Variants in SUPT3H observed in about 807,000 individuals in gnomAD.
The protein encoded by SUPT3H is transcription initiation protein SPT3 homolog.
In SUPT3H, 44 loss-of-function variants were observed where a neutral mutation model predicts 44.3. The observed-to-expected ratio is 0.99, with a 90% CI of 0.78 to 1.28. The LOEUF (loss-of-function observed/expected upper bound fraction) is 1.28. Ranked by LOEUF, SUPT3H falls within the 50% of genes most tolerant of loss-of-function variation. The probability of loss-of-function intolerance (pLI) is 0.00; values close to 1 mark genes in which losing one functional copy is unlikely to be tolerated. For synonymous variants in SUPT3H, 124 were observed against 125.6 expected (o/e 0.99, Z 0.09); for missense variants, 380 against 387.1 (o/e 0.98, Z 0.15).
At chr6:45,137,567 T>C (rs1804509747) in intron 2 of SUPT3H, among the ~76,000 whole-genome samples, 1 of 151,938 alleles carries the variant, frequency 6.6e-6, no homozygotes, top group Non-Finnish European at 1.5e-5. Context: ...TATTTCAATA[T>C]TTTACCACAA....
intron 2 of SUPT3H, among the ~76,000 whole-genome samples, chr6:45,118,611 A>G (rs1415139019): frequency 6.6e-6 from 1 of 152,108 alleles, no homozygotes; most frequent in Non-Finnish European, 1.5e-5. Context: ...ACTTTTGTAC[A>G]TGATATTTTC....
At chr6:45,259,121 T>C (rs1773907888) in intron 2 of SUPT3H, among the ~76,000 whole-genome samples, 1 of 152,144 alleles carries the variant, frequency 6.6e-6, no homozygotes, top group Non-Finnish European at 1.5e-5. Flanking sequence ...GCTCCAAAAA[T>C]GATGCAGTAC....
chr6:45,187,878 T>G (rs1814507691), intron 2 of SUPT3H, among the ~76,000 whole-genome samples: 1 of 152,228 alleles, frequency 6.6e-6, no homozygotes, highest in South Asian at 2.1e-4. Flanking sequence ...CACCATAGTT[T>G]CACTTTCTGA....
intron 5 of SUPT3H, among the ~76,000 whole-genome samples, chr6:45,010,147 G>A (rs1260913013): frequency 1.3e-5 from 2 of 152,018 alleles, no homozygotes; most frequent in African/African-American, 4.8e-5. Flanking sequence ...GTGCATAGCT[G>A]ATATATTAAA....
intron 10 of SUPT3H, among the ~76,000 whole-genome samples, chr6:44,865,328 C>T (rs370714077): frequency 6.6e-6 from 1 of 152,212 alleles, no homozygotes; most frequent in African/African-American, 2.4e-5. Context: ...CAACTTCTGT[C>T]TGTTATTCAG....
intron 2 of SUPT3H, among the ~76,000 whole-genome samples, chr6:45,144,435 A>G (rs1484847165): frequency 1.3e-5 from 2 of 152,150 alleles, no homozygotes; most frequent in African/African-American, 4.8e-5. Context: ...TGCAGTAAAC[A>G]CATTTGACAA....
At chr6:45,376,882 T>C (rs1441907119) in intron 1 of SUPT3H, among the ~76,000 whole-genome samples, 2 of 152,184 alleles carry the variant, frequency 1.3e-5, no homozygotes, top group Admixed American at 6.5e-5. Flanking sequence ...CATATACTTA[T>C]ATACACACAT....
chr6:45,201,159 C>G (rs895784126), intron 2 of SUPT3H, among the ~76,000 whole-genome samples: 1 of 151,498 alleles, frequency 6.6e-6, no homozygotes, highest in Non-Finnish European at 1.5e-5. Context: ...GTGAATGATA[C>G]GGGTAACATA....
At chr6:45,287,765 A>G (rs1779559287) in intron 2 of SUPT3H, among the ~76,000 whole-genome samples, 1 of 152,236 alleles carries the variant, frequency 6.6e-6, no homozygotes, top group African/African-American at 2.4e-5. Flanking sequence ...GGTAAATTTA[A>G]TGTATCACTA....
chr6:45,079,540 C>T (rs1312539960), intron 3 of SUPT3H, among the ~76,000 whole-genome samples: 1 of 151,960 alleles, frequency 6.6e-6, no homozygotes, highest in Non-Finnish European at 1.5e-5. Flanking sequence ...TGTTACCTCA[C>T]TTCAAATAAT....
chr6:45,325,755 C>T (rs1241410866), intron 2 of SUPT3H, among the ~76,000 whole-genome samples: 1 of 151,850 alleles, frequency 6.6e-6, no homozygotes, highest in Admixed American at 6.6e-5. Flanking sequence ...AGTATCTCTT[C>T]ACCACGTGTA....
chr6:45,307,311 G>C (rs1241353869), intron 2 of SUPT3H, among the ~76,000 whole-genome samples: 4 of 152,232 alleles, frequency 2.6e-5, no homozygotes, highest in Non-Finnish European at 5.9e-5. Flanking sequence ...AGAACAGACA[G>C]ACTGCCTCCT....
intron 10 of SUPT3H, among the ~76,000 whole-genome samples, chr6:44,868,441 C>T (rs1775846732): frequency 6.6e-6 from 1 of 152,198 alleles, no homozygotes; most frequent in African/African-American, 2.4e-5. Flanking sequence ...GATGATGTCA[C>T]CATCTACCTG....
chr6:44,907,316 T>C (rs1446062707), intron 10 of SUPT3H, among the ~76,000 whole-genome samples: 1 of 152,176 alleles, frequency 6.6e-6, no homozygotes, highest in Non-Finnish European at 1.5e-5. Context: ...TTCACGATAT[T>C]TGACTGTATT....
At chr6:44,878,558 T>C (rs1777675851) in intron 10 of SUPT3H, among the ~76,000 whole-genome samples, 1 of 152,026 alleles carries the variant, frequency 6.6e-6, no homozygotes, top group Non-Finnish European at 1.5e-5. Context: ...ATTGGTTAGG[T>C]TGTGGAGAAA....
intron 2 of SUPT3H, among the ~76,000 whole-genome samples, chr6:45,260,317 T>C (rs1029090625): frequency 3.9e-5 from 6 of 152,126 alleles, no homozygotes; most frequent in African/African-American, 1.2e-4. Context: ...CTGCCCATTT[T>C]TGGTAGGTAT....
At chr6:44,858,162 A>G (rs1774051823) in intron 10 of SUPT3H, among the ~76,000 whole-genome samples, 1 of 152,162 alleles carries the variant, frequency 6.6e-6, no homozygotes, top group Non-Finnish European at 1.5e-5. Flanking sequence ...ACACTACATT[A>G]TAATTGAACC....
chr6:45,033,777 T>C (rs1010056352), intron 3 of SUPT3H, among the ~76,000 whole-genome samples: 6 of 152,134 alleles, frequency 3.9e-5, no homozygotes, highest in African/African-American at 1.4e-4. Flanking sequence ...ATCTAAAATA[T>C]CTAAAGAAAA....
intron 2 of SUPT3H, among the ~76,000 whole-genome samples, chr6:45,192,220 A>T (rs1306595519): frequency 2.0e-5 from 3 of 152,144 alleles, no homozygotes; most frequent in African/African-American, 7.2e-5. Flanking sequence ...TGATGAAAGG[A>T]GAAGTCAAGT....
Sources: gnomAD v4.1 joint callset for allele counts (sites outside exome capture counted in the v4.1 genomes callset) on GRCh38, gnomAD v4.1.1 for gene constraint, MANE v1.5 for transcripts, NCBI Gene and HGNC (gene_info 2026-07-23, HGNC 2026-07-21) for gene names.